Variants in ETV1 observed in about 807,000 individuals in gnomAD.
ETV1 encodes ETS translocation variant 1.
A neutral mutation model predicts 62.3 loss-of-function variants in ETV1; 27 were observed. That is an observed-to-expected ratio of 0.43 (90% confidence interval 0.32 to 0.60). The LOEUF is 0.60. ETV1 is among the 20% of genes least tolerant of loss of function. The pLI, the probability that ETV1 is intolerant of heterozygous loss-of-function variation, is 0.06. For synonymous variants in ETV1, 222 were observed against 199.6 expected, an observed-to-expected ratio of 1.11 and a Z score of -0.94; for missense variants, 605 against 605.8, an observed-to-expected ratio of 1.00 and a Z score of 0.01.
chr7:13,964,318 GTGGCC>G (rs753383930), intron 6 of ETV1, among the ~76,000 whole-genome samples: 2 of 152,202 alleles, frequency 1.3e-5, no homozygotes, highest in Admixed American at 6.5e-5. Flanking sequence ...ACCATGTTCG[GTGGCC>G]TTGATAGTAT....
At chr7:13,981,150 T>C (rs1288557901) in intron 5 of ETV1, among the ~76,000 whole-genome samples, 2 of 151,934 alleles carry the variant, frequency 1.3e-5, no homozygotes, top group Non-Finnish European at 2.9e-5. Context: ...ACGTCAAGTA[T>C]AAAAGGGGTT....
chr7:13,968,309 T>A (rs1156596638), intron 6 of ETV1, among the ~76,000 whole-genome samples: 3 of 151,932 alleles, frequency 2.0e-5, no homozygotes, highest in Non-Finnish European at 4.4e-5. Context: ...ATATATATAT[T>A]TTTAGCTTTC....
At chr7:13,970,346 C>T (rs1780775535) in intron 6 of ETV1, among the ~76,000 whole-genome samples, 1 of 147,670 alleles carries the variant, frequency 6.8e-6, no homozygotes, top group African/African-American at 2.5e-5. Context: ...CTACAAAAAG[C>T]ATACCCAAAA....
intron 9 of ETV1, among the ~76,000 whole-genome samples, chr7:13,927,068 G>A (rs1320825432): frequency 6.6e-6 from 1 of 152,054 alleles, no homozygotes; most frequent in African/African-American, 2.4e-5. Flanking sequence ...AACATTTATG[G>A]TGTATAGAAT....
chr7:13,904,720 A>G (rs1782779004), intron 12 of ETV1, among the ~76,000 whole-genome samples: 2 of 152,018 alleles, frequency 1.3e-5, no homozygotes, highest in African/African-American at 4.8e-5. Context: ...TCCAGCATGA[A>G]CCAACTCTTG....
intron 5 of ETV1, among the ~76,000 whole-genome samples, chr7:13,979,753 A>C (rs1479909440): frequency 6.6e-6 from 1 of 152,142 alleles, no homozygotes; most frequent in East Asian, 1.9e-4. Flanking sequence ...ATATCCCTTT[A>C]CAGGAAAAGT....
At position 13,988,124 on chromosome 7, in the gene ETV1, C is replaced by G; in HGVS notation, c.95G>C (p.Arg32Thr). ...CNEKPTNVRK[R>T]KFINRDLAHD... The stretch of plus-strand genomic sequence containing the variant: ...AGCCAGATCTCTGTTAATGAATTTT[C>G]TTTTCCTGACATTTGTTGGTTTCTC... The change falls in exon 4 of 14, where the codon AGA becomes ACA. Residue 32 changes from arginine to threonine, a missense_variant. Arg to Thr is a moderately conservative substitution (Grantham distance 71). Coordinates refer to ENST00000430479, the MANE Select transcript of ETV1 (RefSeq NM_004956.5). 2 of 1,613,166 alleles carry G rather than the reference C, an allele frequency of 1.2e-6. No homozygotes were observed. The highest frequency in any genetic ancestry group is 2.2e-5 in the South Asian group (2 of 91,056).
At chr7:13,970,264 ACACACACACACACACACAC>A (rs1780751492) in intron 6 of ETV1, among the ~76,000 whole-genome samples, 7 of 3,484 alleles carry the variant, frequency 2.0e-3, no homozygotes, top group African/African-American at 2.7e-3. Context: ...CCATCTCAAA[ACACACACACACACACACAC>A]ACACACACAC....
chr7:13,986,581 C>A, intron 5 of ETV1, 57 bp downstream of exon 5: 2 of 1,605,616 alleles, frequency 1.2e-6, no homozygotes, highest in South Asian at 2.2e-5. Flanking sequence ...TTCAGGACTT[C>A]TTTTCTTTCT....
At chr7:13,950,279 G>A (rs1788645897) in intron 6 of ETV1, among the ~76,000 whole-genome samples, 1 of 152,042 alleles carries the variant, frequency 6.6e-6, no homozygotes. Context: ...CACGTGCAAG[G>A]ATCTTCCTGG....
chr7:13,896,142 G>C (rs1334402790), intron 13 of ETV1, 55 bp from the exon 14 acceptor site: 2 of 1,476,736 alleles, frequency 1.4e-6, no homozygotes, highest in East Asian at 4.7e-5. Context: ...GATGGGGAAG[G>C]ACAGGAAGGA....
At chr7:13,897,147 G>A (rs1421407318) in intron 13 of ETV1, among the ~76,000 whole-genome samples, 3 of 151,742 alleles carry the variant, frequency 2.0e-5, no homozygotes, top group South Asian at 2.1e-4. Context: ...CTCAAAACCC[G>A]GGGTGGGGGG....
intron 12 of ETV1, among the ~76,000 whole-genome samples, chr7:13,904,437 T>A (rs948408515): frequency 2.0e-5 from 3 of 152,174 alleles, no homozygotes; most frequent in Non-Finnish European, 4.4e-5. Context: ...CAGAATTTGA[T>A]GAAACTTAAT....
chr7:13,949,565 G>A (rs1045800244), intron 6 of ETV1, among the ~76,000 whole-genome samples: 2 of 151,986 alleles, frequency 1.3e-5, no homozygotes, highest in South Asian at 4.2e-4. Context: ...CACCCCCACT[G>A]TGTACATATA....
intron 6 of ETV1, among the ~76,000 whole-genome samples, chr7:13,966,582 G>A (rs1398268205): frequency 6.6e-6 from 1 of 152,092 alleles, no homozygotes; most frequent in Non-Finnish European, 1.5e-5. Context: ...AGGAGACTGA[G>A]GCTGCAGTGA....
intron 6 of ETV1, 147 bp from the exon 7 acceptor site, chr7:13,939,393 TAGC>T: frequency 3.1e-6 from 2 of 643,626 alleles, no homozygotes; most frequent in Non-Finnish European, 5.0e-6. Context: ...TGAATTTCAG[TAGC>T]AGAAGATTTC....
At chr7:13,911,006 G>C (rs113626956) in intron 10 of ETV1, among the ~76,000 whole-genome samples, 1 of 152,128 alleles carries the variant, frequency 6.6e-6, no homozygotes, top group Non-Finnish European at 1.5e-5. Flanking sequence ...TGGCAAAAAA[G>C]AACACAGAAA....
rs1786448177 is a variant in ETV1, at chr7:13,933,611, A to AG, written c.555-1863dup. Among the ~76,000 whole-genome samples, 4 of 152,136 alleles carry AG rather than the reference A, an allele frequency of 2.6e-5. No individual in the cohort carries two copies. In the South Asian group the frequency reaches 8.3e-4, roughly 32 times the overall value. ...AGAGTGAAGTGGGGTGCCTGGCTGG[A>AG]GGGGGTGTTTTGGGGAAAGGATCTG... On this transcript the variant is annotated intron_variant, in intron 8 of 13. Transcript: ENST00000430479.
At chr7:13,909,771 T>C (rs1783377148) in intron 10 of ETV1, 71 bp from the exon 11 acceptor site, 1 of 1,292,306 alleles carries the variant, frequency 7.7e-7, no homozygotes. Flanking sequence ...ATATAACCAT[T>C]TAACATAAAA....
Sources: allele counts gnomAD v4.1 joint callset (sites outside exome capture counted in the v4.1 genomes callset), GRCh38; gene constraint gnomAD v4.1.1; transcripts MANE v1.5; gene names NCBI Gene and HGNC (gene_info 2026-07-23, HGNC 2026-07-21).